Variants in PLOD2 observed in about 807,000 individuals in gnomAD.
The protein encoded by PLOD2 is lysine hydroxylase 2.
Under a neutral mutation model 101.0 loss-of-function variants are expected in PLOD2, and 65 were observed. That is an observed-to-expected ratio of 0.64 (90% CI 0.53 to 0.79). The LOEUF is 0.79. Among genes scored for constraint, PLOD2 ranks in the 30% least tolerant of loss-of-function variants. The pLI is 0.00. For missense variants in PLOD2, 909 were observed against 914.6 expected (o/e 0.99, Z 0.08); for synonymous variants, 314 against 302.9 (o/e 1.04, Z -0.38).
At chr3:146,119,905 C>G (rs967406864) in intron 3 of PLOD2, among the ~76,000 whole-genome samples, 3 of 152,080 alleles carry the variant, frequency 2.0e-5, no homozygotes, top group Non-Finnish European at 2.9e-5. Context: ...ATAAACATAC[C>G]TGTGCATGTG....
intron 15 of PLOD2, among the ~76,000 whole-genome samples, chr3:146,075,524 T>G (rs1936301937): frequency 6.9e-6 from 1 of 145,118 alleles, no homozygotes; most frequent in South Asian, 2.2e-4. Flanking sequence ...GAAAACAGAT[T>G]TTAAAAGGAA....
At chr3:146,115,273 C>A (rs1937853791) in intron 3 of PLOD2, among the ~76,000 whole-genome samples, 1 of 152,138 alleles carries the variant, frequency 6.6e-6, no homozygotes, top group Non-Finnish European at 1.5e-5. Context: ...ATAAAATTTT[C>A]CACATATAAC....
intron 3 of PLOD2, among the ~76,000 whole-genome samples, chr3:146,111,420 AACCTCTTTACACT>A (rs2108071248): frequency 6.6e-6 from 1 of 152,292 alleles, no homozygotes; most frequent in South Asian, 2.1e-4. Context: ...CAAGTCACTT[AACCTCTTTACACT>A]TAAGTGTAAA....
intron 19 of PLOD2, 65 bp downstream of exon 19, chr3:146,070,977 G>T (rs1454742687): frequency 2.6e-6 from 4 of 1,524,916 alleles, no homozygotes; most frequent in Non-Finnish European, 3.6e-6. Context: ...AAGGCCTAAG[G>T]CAAAGTCCTT....
intron 3 of PLOD2, among the ~76,000 whole-genome samples, chr3:146,120,265 C>T (rs1020049173): frequency 6.6e-6 from 1 of 152,114 alleles, no homozygotes; most frequent in African/African-American, 2.4e-5. Flanking sequence ...CTGTTCACAT[C>T]CTTCACACAC....
chr3:146,117,868 T>C (rs1052571747), intron 3 of PLOD2, among the ~76,000 whole-genome samples: 1 of 151,982 alleles, frequency 6.6e-6, no homozygotes, highest in Non-Finnish European at 1.5e-5. Flanking sequence ...ACAGTGTCCT[T>C]CTTCTCATGA....
At chr3:146,147,302 T>G (rs1222802257) in intron 1 of PLOD2, among the ~76,000 whole-genome samples, 1 of 152,128 alleles carries the variant, frequency 6.6e-6, no homozygotes, top group African/African-American at 2.4e-5. Flanking sequence ...AACCTGGAAA[T>G]ATAATCCCCC....
At chr3:146,145,752 G>A (rs918093313) in intron 1 of PLOD2, among the ~76,000 whole-genome samples, 6 of 151,954 alleles carry the variant, frequency 3.9e-5, no homozygotes, top group Non-Finnish European at 7.4e-5. Context: ...CTTCCTTAAT[G>A]AGCCAGAATT....
chr3:146,109,277 A>G (rs7642940), intron 4 of PLOD2, among the ~76,000 whole-genome samples: 118,352 of 152,170 alleles, frequency 0.78, 46,094 homozygotes, highest in East Asian at 0.83. Context: ...GAGATTTCAA[A>G]CCAGGCAGTG....
intron 2 of PLOD2, chr3:146,123,394 A>G: frequency 2.6e-6 from 1 of 391,680 alleles, no homozygotes; most frequent in South Asian, 3.7e-5. Flanking sequence ...AGTTCTATCA[A>G]TTTCCCCAAG....
intron 6 of PLOD2, 139 bp from the exon 7 acceptor site, chr3:146,102,991 C>T: frequency 1.7e-6 from 1 of 598,952 alleles, no homozygotes; most frequent in South Asian, 1.8e-5. Flanking sequence ...TGCTACAACA[C>T]TTCTAGTAAC....
At chr3:146,154,838 A>C (rs1377136695) in intron 1 of PLOD2, among the ~76,000 whole-genome samples, 1 of 152,212 alleles carries the variant, frequency 6.6e-6, no homozygotes, top group Non-Finnish European at 1.5e-5. Context: ...CTAAGTATGT[A>C]AATGCATAAA....
chr3:146,154,212 TAA>T (rs1284701699), intron 1 of PLOD2, among the ~76,000 whole-genome samples: 2 of 152,222 alleles, frequency 1.3e-5, no homozygotes, highest in African/African-American at 4.8e-5. Flanking sequence ...TTATTTGTAT[TAA>T]AAGTCTATTG....
intron 1 of PLOD2, among the ~76,000 whole-genome samples, chr3:146,125,661 C>T (rs1295375024): frequency 6.6e-6 from 1 of 151,996 alleles, no homozygotes; most frequent in Admixed American, 6.6e-5. Context: ...ATAGGAGAAT[C>T]GCTTGAACTC....
intron 2 of PLOD2, among the ~76,000 whole-genome samples, chr3:146,123,700 A>G (rs2030353754): frequency 2.0e-5 from 3 of 152,074 alleles, no homozygotes; most frequent in Admixed American, 1.3e-4. Flanking sequence ...TTGTATTTGT[A>G]CATGACCTGC....
intron 18 of PLOD2, 44 bp from the exon 19 acceptor site, chr3:146,071,211 A>G (rs781504917): frequency 1.2e-6 from 2 of 1,610,920 alleles, no homozygotes; most frequent in Non-Finnish European, 1.7e-6. Context: ...ATTAATAAAA[A>G]CATTAAAAAG....
At chr3:146,140,047 G>T (rs182891919) in intron 1 of PLOD2, among the ~76,000 whole-genome samples, 2 of 152,196 alleles carry the variant, frequency 1.3e-5, no homozygotes, top group Non-Finnish European at 2.9e-5. Flanking sequence ...ATTTAAGGTA[G>T]ATGTTCATAA....
chr3:146,144,306 A>G (rs1376461941), intron 1 of PLOD2, among the ~76,000 whole-genome samples: 1 of 152,170 alleles, frequency 6.6e-6, no homozygotes, highest in Non-Finnish European at 1.5e-5. Context: ...ATAAATCACT[A>G]TAAATTTAAG....
chr3:146,097,130 G>T (rs1159590812), intron 7 of PLOD2, among the ~76,000 whole-genome samples: 1 of 148,428 alleles, frequency 6.7e-6, no homozygotes, highest in East Asian at 2.1e-4. Flanking sequence ...GGGAGGTGGG[G>T]GGGTCAGCCC....
Sources: gnomAD v4.1 joint callset for allele counts (sites outside exome capture counted in the v4.1 genomes callset) on GRCh38, gnomAD v4.1.1 for gene constraint, MANE v1.5 for transcripts, NCBI Gene and HGNC (gene_info 2026-07-23, HGNC 2026-07-21) for gene names.